EFCAB3: variants seen among roughly 807,000 people sequenced by gnomAD.
The protein encoded by EFCAB3 is EF-hand calcium-binding domain-containing protein 3.
In EFCAB3, 36 loss-of-function variants were observed where a neutral mutation model predicts 42.2. The ratio of observed to expected loss-of-function variants is 0.85; its 90% CI spans 0.65 to 1.13. The LOEUF is 1.13. Ranked by LOEUF, EFCAB3 falls within the 50% of genes most tolerant of loss-of-function variation. The probability of loss-of-function intolerance (pLI) is 0.00; values close to 1 mark genes in which losing one functional copy is unlikely to be tolerated. For missense variants in EFCAB3, 418 were observed against 505.1 expected (o/e 0.83, Z 1.65); for synonymous variants, 170 against 172.8 (o/e 0.98, Z 0.13).
At chr17:62,406,793 C>A (rs926651949) in intron 7 of EFCAB3, 120 bp downstream of exon 7, 5 of 1,032,192 alleles carry the variant, frequency 4.8e-6, no homozygotes, top group Non-Finnish European at 7.0e-6. Context: ...TCTGAGTGAC[C>A]ACTCTCTGTC....
chr17:62,391,965 C>A lies in EFCAB3; in HGVS notation c.295C>A (p.Arg99=), dbSNP rs61751980. Residue 99 remains arginine (R), a splice_region_variant and synonymous_variant, in exon 4 of 10, where the codon CGA becomes AGA. Transcript: ENST00000305286. ...YNELKCADID[R]DGKVNFSDFI... is the part of the protein sequence containing the mutation. ...TGAATTGAAATGTGCTGATATTGAT[C>A]GTGAGTCCTTTGGCTTCTCATTGTT... 7 of 1,592,780 alleles carry A rather than the reference C, an allele frequency of 4.4e-6. No individual in the cohort carries two copies. The highest frequency in any genetic ancestry group is 6.0e-6 in the Non-Finnish European group (7 of 1,167,452).
At chr17:62,395,897 A>C (rs1383546813) in intron 6 of EFCAB3, among the ~76,000 whole-genome samples, 1 of 152,164 alleles carries the variant, frequency 6.6e-6, no homozygotes, top group African/African-American at 2.4e-5. Flanking sequence ...AAGTGTGTAG[A>C]ATTCCACCAA....
intron 6 of EFCAB3, among the ~76,000 whole-genome samples, chr17:62,399,160 C>G (rs1345053308): frequency 6.6e-6 from 1 of 150,600 alleles, no homozygotes. Flanking sequence ...CAAAACCCTC[C>G]CATTTCCCTC....
intron 9 of EFCAB3, among the ~76,000 whole-genome samples, chr17:62,414,462 A>G (rs1485480732): frequency 2.6e-5 from 4 of 152,048 alleles, no homozygotes; most frequent in Admixed American, 1.3e-4. Flanking sequence ...GACTATTTCT[A>G]CCTCTACGCT....
intron 1 of EFCAB3, chr17:62,373,768 A>G (rs762432427): frequency 1.7e-6 from 2 of 1,147,954 alleles, no homozygotes; most frequent in African/African-American, 3.1e-5. Context: ...AACTGTTATG[A>G]ATTTTTATGT....
At position 62,416,307 on chromosome 17, in the gene EFCAB3, G is replaced by T. The variant is rs1015155985; in HGVS notation, c.1295G>T (p.Gly432Val). 5 of 1,599,408 alleles carry T rather than the reference G, an allele frequency of 3.1e-6. No homozygotes were observed. The highest frequency in any genetic ancestry group is 3.4e-6 in the Non-Finnish European group (4 of 1,174,644). ...TDSGRKRKRK[G>V]LKGFQQ ...TCAGGAAGAAAAAGAAAACGGAAAG[G>T]TTTAAAGGGATTTCAACAATGAAAT... Residue 432 changes from glycine (G) to valine (V), a missense_variant, in exon 10 of 10, where the codon GGT becomes GTT. Gly to Val is a moderately radical substitution (Grantham distance 109, BLOSUM62 -3). Transcript: ENST00000305286.
chr17:62,392,569 T>C (rs2070312919), intron 4 of EFCAB3, among the ~76,000 whole-genome samples: 1 of 152,134 alleles, frequency 6.6e-6, no homozygotes, highest in African/African-American at 2.4e-5. Flanking sequence ...TCTTTTTCCA[T>C]CAAGTCCCAC....
upstream of EFCAB3, among the ~76,000 whole-genome samples, chr17:62,376,139 A>G (rs2070148889): frequency 1.3e-5 from 2 of 152,176 alleles, no homozygotes; most frequent in Admixed American, 1.3e-4. Context: ...ACTGGTTTCT[A>G]TTTCAAAGAT....
intron 8 of EFCAB3, among the ~76,000 whole-genome samples, chr17:62,412,361 CAAAA>C (rs1237628464): frequency 8.8e-4 from 58 of 65,926 alleles, no homozygotes; most frequent in Middle Eastern, 7.7e-3. Flanking sequence ...GACTCTGTCT[CAAAA>C]AAAAAAAAAA....
At chr17:62,402,517 C>T (rs948751104) in intron 6 of EFCAB3, among the ~76,000 whole-genome samples, 3 of 152,088 alleles carry the variant, frequency 2.0e-5, no homozygotes, top group Non-Finnish European at 2.9e-5. Flanking sequence ...TGAATTTTGT[C>T]GAAGGCCTTT....
chr17:62,395,213 A>G (rs376662724), intron 6 of EFCAB3, 25 bp downstream of exon 6: 74 of 1,609,316 alleles, frequency 4.6e-5, no homozygotes, highest in Admixed American at 1.0e-4. Context: ...AAGGAGCAAA[A>G]ACAGCCTTCT....
upstream of EFCAB3, among the ~76,000 whole-genome samples, chr17:62,377,367 A>G (rs563839243): frequency 3.9e-5 from 6 of 152,300 alleles, no homozygotes; most frequent in African/African-American, 1.4e-4. Flanking sequence ...CTGAGTTATT[A>G]TAGCCACACT....
chr17:62,379,793 A>T (rs535564080), upstream of EFCAB3, among the ~76,000 whole-genome samples: 62 of 152,326 alleles, frequency 4.1e-4, no homozygotes, highest in Non-Finnish European at 6.9e-4. Flanking sequence ...ATGTCAGATC[A>T]TGAATACCTT....
At chr17:62,390,013 C>T (rs1193883881) in intron 3 of EFCAB3, among the ~76,000 whole-genome samples, 1 of 151,986 alleles carries the variant, frequency 6.6e-6, no homozygotes, top group Non-Finnish European at 1.5e-5. Flanking sequence ...GTCTCGATCT[C>T]CTGACCTCGT....
At position 62,387,344 on chromosome 17, in the gene EFCAB3, A is replaced by G; in HGVS notation, c.79A>G (p.Arg27Gly). Reference sequence around the variant, plus strand: ...TATTTTCACATCTTTCCTCAGGGATAGAGACTTACCAGGATCTCTTCAATG... The same window carrying G: ...TATTTTCACATCTTTCCTCAGGGATGGAGACTTACCAGGATCTCTTCAATG... The part of the protein sequence containing the change: ...KVPISHNKRD[R>G]DLPGSLQCQL... Residue 27 changes from arginine to glycine, a missense_variant, in exon 3 of 10, where the codon AGA (arginine) becomes GGA (glycine). Transcript: ENST00000305286. 6.2e-7 allele frequency: 1 copy of G among 1,609,836 alleles called. No homozygotes were observed. Among genetic ancestry groups the G allele is most frequent in the Non-Finnish European group, 8.5e-7 (1 of 1,177,432 alleles).
intron 6 of EFCAB3, among the ~76,000 whole-genome samples, chr17:62,398,393 G>T (rs1017993210): frequency 6.6e-6 from 1 of 151,328 alleles, no homozygotes; most frequent in East Asian, 1.9e-4. Context: ...GGTAGAGGTT[G>T]CAGTGAGCTG....
At chr17:62,377,872 A>G (rs12941037), upstream of EFCAB3, 1 of 958,992 alleles carries the variant, frequency 1.0e-6, no homozygotes. Context: ...TTTTTCACTC[A>G]TCTGGGGAAA....
rs1186736034 is a variant in EFCAB3 at position 62,416,068 on chromosome 17, C to A, written c.1056C>A (p.Asn352Lys). The change falls in exon 10 of 10, where the codon AAC becomes AAA. Residue 352 changes from asparagine (N) to lysine (K), a missense_variant. Transcript: ENST00000305286. ...IALEHRKEML[N>K]LWQKIRGDLI... ...TTGAACACCGAAAAGAGATGCTAAA[C>A]CTCTGGCAGAAGATCCGAGGGGATT... 7 of 1,613,860 alleles carry A rather than the reference C, an allele frequency of 4.3e-6. No homozygotes were observed. Among genetic ancestry groups the A allele is most frequent in the East Asian group, 2.2e-5 (1 of 44,892 alleles).
At chr17:62,405,066 G>C (rs2070436771) in intron 6 of EFCAB3, among the ~76,000 whole-genome samples, 1 of 152,166 alleles carries the variant, frequency 6.6e-6, no homozygotes, top group African/African-American at 2.4e-5. Flanking sequence ...TCAGGGCCAA[G>C]AATTTGTATT....
Sources: gnomAD v4.1 joint callset for allele counts (sites outside exome capture counted in the v4.1 genomes callset) on GRCh38, gnomAD v4.1.1 for gene constraint, MANE v1.5 for transcripts, NCBI Gene and HGNC (gene_info 2026-07-23, HGNC 2026-07-21) for gene names.